TENM3: variants seen among roughly 807,000 people sequenced by gnomAD.
TENM3 encodes the protein teneurin transmembrane protein 3.
In TENM3, 63 loss-of-function variants were observed where a neutral mutation model predicts 255.1. The ratio of observed to expected loss-of-function variants is 0.25; its 90% CI spans 0.20 to 0.30. The LOEUF is 0.30. TENM3 is among the 10% of genes least tolerant of loss of function. The probability of loss-of-function intolerance (pLI) is 1.00; values close to 1 mark genes in which losing one functional copy is unlikely to be tolerated. For missense variants in TENM3, 2,929 were observed against 3,461.1 expected (o/e 0.85, Z 3.86); for synonymous variants, 1,306 against 1,322.3 (o/e 0.99, Z 0.27).
chr4:182,800,205 G>A lies in TENM3; in HGVS notation c.7954G>A (p.Glu2652Lys), dbSNP rs1311635891. 1 of 1,589,996 alleles carries A rather than the reference G, an allele frequency of 6.3e-7. No homozygotes were observed. The highest frequency in any genetic ancestry group is 1.1e-5 in the South Asian group (1 of 89,844). ...CGAGGAGGGCGCGCGCCTCTGGACG[G>A]AGGGCGAGAAGCGGCAGCTGCTGAG... ...DGEEGARLWT[E>K]GEKRQLLSAG... Residue 2652 changes from glutamate (E) to lysine (K), a missense_variant, in exon 28 of 28, where the codon GAG (glutamate) becomes AAG (lysine). Coordinates refer to ENST00000511685, the MANE Select transcript of TENM3 (RefSeq NM_001080477.4).
At chr4:181,693,699 C>G in the TENM3 span, among the ~76,000 whole-genome samples, 1 of 152,226 alleles carries the variant, frequency 6.6e-6, no homozygotes, top group Middle Eastern at 3.4e-3. Context: ...CTTCTGAGAG[C>G]TCTCCGTGGT....
chr4:182,222,387 T>A (rs1028250224), intron 1 of TENM3, among the ~76,000 whole-genome samples: 1 of 152,234 alleles, frequency 6.6e-6, no homozygotes, highest in Non-Finnish European at 1.5e-5. Context: ...CTGCTCACAT[T>A]CCAAACCAAC....
At chr4:181,878,229 A>G in the TENM3 span, among the ~76,000 whole-genome samples, 1 of 152,112 alleles carries the variant, frequency 6.6e-6, no homozygotes, top group Admixed American at 6.5e-5. Flanking sequence ...GCTGTGTATC[A>G]TTATATTCGG....
At chr4:182,729,609 C>T (rs1760524853) in intron 14 of TENM3, among the ~76,000 whole-genome samples, 2 of 151,958 alleles carry the variant, frequency 1.3e-5, no homozygotes, top group African/African-American at 4.8e-5. Flanking sequence ...AGCTGTTTGA[C>T]TGGTGCTTTG....
intron 1 of TENM3, among the ~76,000 whole-genome samples, chr4:182,167,524 GA>G (rs1226226789): frequency 2.0e-5 from 3 of 152,104 alleles, no homozygotes; most frequent in South Asian, 4.1e-4. Context: ...ATACATTAAA[GA>G]AAAAGAATTC....
intron 1 of TENM3, among the ~76,000 whole-genome samples, chr4:182,199,115 T>A (rs946553263): frequency 2.0e-5 from 3 of 152,180 alleles, no homozygotes; most frequent in Non-Finnish European, 2.9e-5. Context: ...GCCTAGGAAG[T>A]ACCGGTGTGG....
chr4:181,558,801 G>C, the TENM3 span, among the ~76,000 whole-genome samples: 1 of 152,188 alleles, frequency 6.6e-6, no homozygotes, highest in African/African-American at 2.4e-5. Context: ...AAATTTTATG[G>C]TTAATACCTG....
At chr4:181,493,014 T>C in the TENM3 span, among the ~76,000 whole-genome samples, 3 of 151,106 alleles carry the variant, frequency 2.0e-5, no homozygotes, top group Non-Finnish European at 4.4e-5. Context: ...AACCAGACCA[T>C]TGTGAGAAAA....
At chr4:182,013,902 T>C in the TENM3 span, among the ~76,000 whole-genome samples, 1 of 149,300 alleles carries the variant, frequency 6.7e-6, no homozygotes, top group Admixed American at 6.7e-5. Context: ...AGTACTACAG[T>C]ATAATACTTT....
the TENM3 span, among the ~76,000 whole-genome samples, chr4:181,726,939 T>G: frequency 3.3e-5 from 5 of 152,172 alleles, no homozygotes; most frequent in Admixed American, 3.3e-4. Flanking sequence ...CTTACTTACA[T>G]GTACTGGTTT....
At chr4:182,717,961 A>G (rs1759341567) in intron 13 of TENM3, among the ~76,000 whole-genome samples, 2 of 152,282 alleles carry the variant, frequency 1.3e-5, no homozygotes, top group African/African-American at 4.8e-5. Flanking sequence ...GGGTTAAGAC[A>G]GTGACTGTTA....
rs867972431 is a variant in TENM3, at chr4:182,799,965, G to A, written c.7714G>A (p.Glu2572Lys). ...LRLTSGRKAL[E>K]NGINVTVSQS... ...GTTGACCAGCGGCCGCAAGGCGCTGGAGAACGGCATCAACGTGACGGTGTC... is the reference window on the plus strand; with the variant it reads ...GTTGACCAGCGGCCGCAAGGCGCTGAAGAACGGCATCAACGTGACGGTGTC... Residue 2572 changes from glutamate to lysine, a missense_variant, in exon 28 of 28, where the codon GAG becomes AAG. Transcript: ENST00000511685. This position sits in a 1 kb window ranked among gnomAD's most constrained non-coding sequence, Gnocchi z 4.2. 3 of 1,592,608 alleles carry A rather than the reference G, an allele frequency of 1.9e-6. No individual in the cohort carries two copies. The highest frequency in any genetic ancestry group is 2.6e-6 in the Non-Finnish European group (3 of 1,170,262).
the TENM3 span, among the ~76,000 whole-genome samples, chr4:182,071,311 A>G: frequency 6.6e-6 from 1 of 152,208 alleles, no homozygotes; most frequent in African/African-American, 2.4e-5. Context: ...AATTATAATT[A>G]TTCCAATATC....
chr4:182,137,333 T>TCC, the TENM3 span, among the ~76,000 whole-genome samples: 913 of 100,420 alleles, frequency 9.1e-3, 12 homozygotes, highest in African/African-American at 0.033. Flanking sequence ...CTCTGCCACC[T>TCC]CCCCCCCCCC....
chr4:181,895,346 C>A, the TENM3 span, among the ~76,000 whole-genome samples: 14 of 152,016 alleles, frequency 9.2e-5, no homozygotes, highest in South Asian at 2.7e-3. Context: ...CAATAAGTTT[C>A]TTTCTGAATC....
the TENM3 span, among the ~76,000 whole-genome samples, chr4:181,578,679 G>A: frequency 1.3e-5 from 2 of 152,164 alleles, no homozygotes; most frequent in Admixed American, 6.5e-5. Context: ...GCAGTGAGGA[G>A]AAGTTTCTTC....
intron 3 of TENM3, among the ~76,000 whole-genome samples, chr4:182,586,652 A>T (rs538851165): frequency 1.3e-5 from 2 of 152,330 alleles, no homozygotes; most frequent in Admixed American, 1.3e-4. Context: ...TGCACGTGCC[A>T]AGAATAGAAA....
At chr4:182,560,020 A>C (rs1177043201) in intron 3 of TENM3, among the ~76,000 whole-genome samples, 1 of 151,956 alleles carries the variant, frequency 6.6e-6, no homozygotes, top group Admixed American at 6.6e-5. Flanking sequence ...ATATCTTCTC[A>C]TGTACCCCAC....
chr4:182,564,427 T>G (rs1319795052), intron 3 of TENM3, among the ~76,000 whole-genome samples: 1 of 152,168 alleles, frequency 6.6e-6, no homozygotes, highest in East Asian at 1.9e-4. Flanking sequence ...GTGCTGGGAT[T>G]ACAGGCTGTC....
Sources: gnomAD v4.1 joint callset for allele counts (sites outside exome capture counted in the v4.1 genomes callset) on GRCh38, gnomAD v4.1.1 for gene constraint, Gnocchi (gnomAD v3.1) non-coding constraint, MANE v1.5 for transcripts, NCBI Gene and HGNC (gene_info 2026-07-23, HGNC 2026-07-21) for gene names.